Variants in DLG2 observed in about 807,000 individuals in gnomAD.
The protein encoded by DLG2 is disks large homolog 2.
A neutral mutation model predicts 132.5 loss-of-function variants in DLG2; 45 were observed. That is an observed-to-expected ratio of 0.34 (90% confidence interval 0.27 to 0.44). The LOEUF (loss-of-function observed/expected upper bound fraction) is 0.44. Ranked by LOEUF, DLG2 falls within the 20% of genes least tolerant of loss-of-function variation. DLG2 has a pLI of 1.00. For synonymous variants in DLG2, 424 were observed against 419.6 expected (o/e 1.01, Z -0.13); for missense variants, 1,045 against 1,196.9 (o/e 0.87, Z 1.87).
chr11:83,463,043 G>A (rs988632454), intron 26 of DLG2, among the ~76,000 whole-genome samples: 6 of 152,254 alleles, frequency 3.9e-5, no homozygotes, highest in African/African-American at 1.2e-4. Flanking sequence ...CTTGCATGCT[G>A]CTTAGGAAGC....
At chr11:84,698,691 A>T (rs535364147) in intron 6 of DLG2, among the ~76,000 whole-genome samples, 1 of 151,556 alleles carries the variant, frequency 6.6e-6, no homozygotes, top group Non-Finnish European at 1.5e-5. Context: ...GAAATAAGAT[A>T]CCTGAAATTA....
chr11:84,330,065 C>T (rs2098451704), intron 7 of DLG2, among the ~76,000 whole-genome samples: 1 of 152,206 alleles, frequency 6.6e-6, no homozygotes, highest in South Asian at 2.1e-4. Flanking sequence ...CTGTGAAGTA[C>T]TTAGCACATT....
intron 7 of DLG2, among the ~76,000 whole-genome samples, chr11:84,520,555 C>A (rs1473047656): frequency 6.6e-6 from 1 of 152,166 alleles, no homozygotes; most frequent in Non-Finnish European, 1.5e-5. Context: ...ACTCCTTGAA[C>A]TAAATGTGTG....
At chr11:83,948,894 T>C (rs948514647) in intron 14 of DLG2, among the ~76,000 whole-genome samples, 7 of 152,194 alleles carry the variant, frequency 4.6e-5, no homozygotes, top group African/African-American at 1.7e-4. Context: ...GCTAGACAAA[T>C]ACTTATCTTT....
At position 85,205,162 on chromosome 11, in the gene DLG2, AT is replaced by A. The variant is rs560535697; in HGVS notation, c.187-50512del. Among the ~76,000 whole-genome samples the A allele has an allele frequency of 1.7e-3, 251 of 147,360 alleles. 1 individual carries two copies. The highest frequency in any genetic ancestry group is 6.1e-3 in the African/African-American group (246 of 40,554). ...TATGTGTGTGTATATATATATATAT[AT>A]AGATATATATATATATAACAATGGA... On this transcript the variant is annotated intron_variant, in intron 4 of 27. Coordinates refer to ENST00000376104, the MANE Select transcript of DLG2 (RefSeq NM_001142699.3).
At chr11:84,643,680 T>C (rs545423159) in intron 6 of DLG2, among the ~76,000 whole-genome samples, 1 of 152,302 alleles carries the variant, frequency 6.6e-6, no homozygotes, top group Admixed American at 6.5e-5. Flanking sequence ...TTTCTGTTTG[T>C]TTTTTAAGGC....
intron 19 of DLG2, among the ~76,000 whole-genome samples, chr11:83,623,940 A>G (rs510978): frequency 0.66 from 100,066 of 152,024 alleles, 33,530 homozygotes; most frequent in African/African-American, 0.78. Context: ...AGAGCTGTCT[A>G]GTTTGTTCTA....
Position 83,456,089 on chromosome 11 carries a change from T to A in DLG2, c.*3729A>T, listed in dbSNP as rs763216293. The A allele has an allele frequency of 1.3e-5, 2 of 152,620 alleles. No homozygotes were observed. The highest frequency in any genetic ancestry group is 2.4e-5 in the African/African-American group (1 of 41,416). The allele number at this position is 152,620 out of a possible 1,614,324, so 9.5% of individuals were successfully genotyped here. On this transcript the variant is annotated 3_prime_UTR_variant, in exon 28 of 28. Coordinates refer to ENST00000376104, the MANE Select transcript of DLG2 (RefSeq NM_001142699.3). ...AAAAATGTCTCTCTCCAAACCAAGG[T>A]GATGGCATGGCTTCAATGAGGAGGA...
At chr11:85,130,044 CG>C (rs1302527592) in intron 5 of DLG2, among the ~76,000 whole-genome samples, 1 of 151,718 alleles carries the variant, frequency 6.6e-6, no homozygotes, top group Non-Finnish European at 1.5e-5. Flanking sequence ...CATCACACAC[CG>C]GGGCCTTTTG....
chr11:85,099,555 G>T (rs934350395), intron 6 of DLG2, among the ~76,000 whole-genome samples: 8 of 152,114 alleles, frequency 5.3e-5, no homozygotes, highest in Admixed American at 1.3e-4. Context: ...TTCATATGTT[G>T]TATGGCCTTC....
chr11:85,441,254 T>TA lies in DLG2; in HGVS notation c.41-155890_41-155889insT, dbSNP rs572883994. On this transcript the variant is annotated intron_variant, in intron 3 of 27. Coordinates refer to ENST00000376104, the MANE Select transcript of DLG2 (RefSeq NM_001142699.3). ...TCATCACTTTCTCCCCTGATCCCAC[T>TA]CTCATTTCTCCCCCTTACCGACCCT... 4.1e-4 allele frequency among the ~76,000 whole-genome samples: 62 copies of TA among 152,232 alleles called. No homozygotes were observed. In the East Asian group the frequency reaches 0.01, roughly 26 times the overall value.
At chr11:84,606,895 T>C (rs755123027) in intron 6 of DLG2, among the ~76,000 whole-genome samples, 2 of 152,144 alleles carry the variant, frequency 1.3e-5, no homozygotes, top group Non-Finnish European at 2.9e-5. Context: ...AAATCTTCCC[T>C]GGACCCTCGC....
chr11:83,697,263 T>C (rs2082103455), intron 18 of DLG2, among the ~76,000 whole-genome samples: 1 of 152,220 alleles, frequency 6.6e-6, no homozygotes, highest in African/African-American at 2.4e-5. Context: ...AATTTGCTAC[T>C]TAAAGAAAGA....
intron 6 of DLG2, among the ~76,000 whole-genome samples, chr11:84,966,993 ACTCTGAGGTGATGG>A (rs1422484478): frequency 6.6e-6 from 1 of 152,104 alleles, no homozygotes; most frequent in Non-Finnish European, 1.5e-5. Flanking sequence ...GGATGCAATA[ACTCTGAGGTGATGG>A]CTGGACCTAC....
intron 3 of DLG2, among the ~76,000 whole-genome samples, chr11:85,390,263 A>G (rs1461800142): frequency 6.6e-6 from 1 of 152,140 alleles, no homozygotes; most frequent in Non-Finnish European, 1.5e-5. Flanking sequence ...AAGGAGAGAC[A>G]TTATATTATG....
At chr11:84,776,646 T>C (rs1488764035) in intron 6 of DLG2, among the ~76,000 whole-genome samples, 1 of 152,196 alleles carries the variant, frequency 6.6e-6, no homozygotes, top group East Asian at 1.9e-4. Context: ...GGCATATTAG[T>C]GAAAACGATA....
At chr11:85,434,613 G>C (rs1048963162) in intron 3 of DLG2, among the ~76,000 whole-genome samples, 1 of 152,090 alleles carries the variant, frequency 6.6e-6, no homozygotes, top group Non-Finnish European at 1.5e-5. Flanking sequence ...ACCCTCCCAA[G>C]AGTAAACCAG....
In DLG2 at chr11:84,993,817, T is replaced by C. The variant is rs78016852; in HGVS notation, c.357+117844A>G. Among the ~76,000 whole-genome samples the C allele has an allele frequency of 9.5e-3, 1,454 of 152,262 alleles. 7 individuals are homozygous for C. Among genetic ancestry groups the C allele is most frequent in the Non-Finnish European group, 0.017 (1,137 of 68,016 alleles). ...ACTCAGCAGGAAGCCTATAAGCAGC[T>C]TGGACTGTCAGCTGGACTGGCAGAG... On this transcript the variant is annotated intron_variant, in intron 6 of 27. Coordinates refer to ENST00000376104, the MANE Select transcript of DLG2 (RefSeq NM_001142699.3).
At chr11:83,472,598 G>C in intron 23 of DLG2, 129 bp downstream of exon 23, 3 of 735,422 alleles carry the variant, frequency 4.1e-6, no homozygotes, top group Non-Finnish European at 6.8e-6. Flanking sequence ...GTAAGAGTAA[G>C]GTACGGTCTC....
Sources: gnomAD v4.1 joint callset for allele counts (sites outside exome capture counted in the v4.1 genomes callset) on GRCh38, gnomAD v4.1.1 for gene constraint, MANE v1.5 for transcripts, NCBI Gene and HGNC (gene_info 2026-07-23, HGNC 2026-07-21) for gene names.